UBE2D2: variants seen among roughly 807,000 people sequenced by gnomAD.
UBE2D2 encodes ubiquitin-conjugating enzyme E2 D2.
Under a neutral mutation model 24.2 loss-of-function variants are expected in UBE2D2, and 2 were observed. The observed-to-expected ratio is 0.08, with a 90% CI of 0.03 to 0.26. The LOEUF (loss-of-function observed/expected upper bound fraction) is 0.26. Among genes scored for constraint, UBE2D2 ranks in the 10% least tolerant of loss-of-function variants. The pLI is 1.00. For synonymous variants in UBE2D2, 58 were observed against 56.5 expected, an observed-to-expected ratio of 1.03 and a Z score of -0.12; for missense variants, 44 against 177.6, an observed-to-expected ratio of 0.25 and a Z score of 4.28.
At chr5:139,590,223 G>C (rs1405338503) in intron 1 of UBE2D2, among the ~76,000 whole-genome samples, 1 of 151,950 alleles carries the variant, frequency 6.6e-6, no homozygotes, top group Admixed American at 6.6e-5. Flanking sequence ...AACAGTAGTA[G>C]AAAAAGGAAC....
chr5:139,526,272 GACCCCAGCTGAA>G (rs1752535865), upstream of UBE2D2, among the ~76,000 whole-genome samples: 1 of 152,226 alleles, frequency 6.6e-6, no homozygotes. Context: ...GCTTGCCGAT[GACCCCAGCTGAA>G]TAAAGCCCTT....
At chr5:139,580,726 T>C (rs955641894) in intron 1 of UBE2D2, among the ~76,000 whole-genome samples, 5 of 152,176 alleles carry the variant, frequency 3.3e-5, no homozygotes, top group Non-Finnish European at 7.4e-5. Flanking sequence ...ATTACAGGCG[T>C]GAGCCACCGT....
chr5:139,619,858 C>T (rs1433022063), intron 5 of UBE2D2, among the ~76,000 whole-genome samples: 5 of 147,440 alleles, frequency 3.4e-5, no homozygotes, highest in East Asian at 1.9e-4. Flanking sequence ...AGTGAAACTC[C>T]GTCTCAAAAA....
chr5:139,546,798 T>C (rs574632787), intron 1 of UBE2D2, among the ~76,000 whole-genome samples: 88 of 150,800 alleles, frequency 5.8e-4, no homozygotes, highest in Non-Finnish European at 1.1e-3. Flanking sequence ...AAATTTTCTT[T>C]CTTTCTTTCT....
At chr5:139,533,579 G>A (rs1277629861) in intron 1 of UBE2D2, among the ~76,000 whole-genome samples, 1 of 151,656 alleles carries the variant, frequency 6.6e-6, no homozygotes, top group Non-Finnish European at 1.5e-5. Flanking sequence ...GAACCAGGGA[G>A]GAGGAGGTTG....
chr5:139,532,299 C>T (rs1326697658), intron 1 of UBE2D2, among the ~76,000 whole-genome samples: 6 of 151,218 alleles, frequency 4.0e-5, no homozygotes. Context: ...CTGCCTCAGC[C>T]TCCCCAGTAG....
chr5:139,563,087 C>T (rs1753144802), intron 1 of UBE2D2, among the ~76,000 whole-genome samples: 1 of 152,144 alleles, frequency 6.6e-6, no homozygotes, highest in East Asian at 1.9e-4. Flanking sequence ...ACGGCCTATA[C>T]CTGTAGCTAC....
chr5:139,556,850 T>C (rs932938166), upstream of UBE2D2, among the ~76,000 whole-genome samples: 3 of 151,866 alleles, frequency 2.0e-5, no homozygotes, highest in African/African-American at 2.4e-5. Flanking sequence ...TTTTTTTTTT[T>C]CTGCAACATA....
intron 1 of UBE2D2, among the ~76,000 whole-genome samples, chr5:139,550,627 G>A (rs956995308): frequency 2.6e-5 from 4 of 151,782 alleles, no homozygotes; most frequent in African/African-American, 9.7e-5. Flanking sequence ...CATTCTTTGG[G>A]TACACACTGA....
upstream of UBE2D2, among the ~76,000 whole-genome samples, chr5:139,556,828 T>C (rs922970883): frequency 5.9e-5 from 9 of 151,864 alleles, no homozygotes; most frequent in Non-Finnish European, 1.2e-4. Context: ...ATCTGAATAG[T>C]TCCATACTTT....
At chr5:139,597,327 T>C (rs1477474313) in intron 1 of UBE2D2, among the ~76,000 whole-genome samples, 4 of 152,230 alleles carry the variant, frequency 2.6e-5, no homozygotes, top group Admixed American at 1.3e-4. Flanking sequence ...TCATGTAGCC[T>C]TATGTCTGGC....
At chr5:139,577,049 A>C (rs576390040) in intron 1 of UBE2D2, among the ~76,000 whole-genome samples, 12 of 150,970 alleles carry the variant, frequency 7.9e-5, no homozygotes, top group African/African-American at 2.2e-4. Context: ...GTAAAATTTA[A>C]CAGTTTATGT....
chr5:139,539,881 G>A (rs1286366104), intron 1 of UBE2D2, among the ~76,000 whole-genome samples: 1 of 151,944 alleles, frequency 6.6e-6, no homozygotes, highest in Non-Finnish European at 1.5e-5. Context: ...ACAGGTGTGA[G>A]CCACTGTGCC....
chr5:139,580,438 T>C (rs1049292211), intron 1 of UBE2D2, among the ~76,000 whole-genome samples: 7 of 152,144 alleles, frequency 4.6e-5, no homozygotes, highest in African/African-American at 1.4e-4. Context: ...TGGGACAGCG[T>C]AACAGAGTGA....
Position 139,561,821 on chromosome 5 carries a change from C to T in UBE2D2, c.24+6C>T, listed in dbSNP as rs941500343. ...CTCTGAAGAGAATCCACAAGGTAAG[C>T]GGCCGGAGGTCGGCTGCGCTGCTGG... On this transcript the variant is annotated splice_donor_region_variant and intron_variant, in intron 1 of 6. Coordinates refer to ENST00000398733, the MANE Select transcript of UBE2D2 (RefSeq NM_003339.3). 3 of 1,498,094 alleles carry T rather than the reference C, an allele frequency of 2.0e-6. No homozygotes were observed. The highest frequency in any genetic ancestry group is 2.5e-5 in the Admixed American group (1 of 40,276). The allele number at this position is 1,498,094 out of a possible 1,614,324, so 92.8% of individuals were successfully genotyped here.
chr5:139,558,877 T>G (rs1753015284), upstream of UBE2D2, among the ~76,000 whole-genome samples: 1 of 152,000 alleles, frequency 6.6e-6, no homozygotes, highest in African/African-American at 2.4e-5. Flanking sequence ...CACGGCTCAC[T>G]GCAGTTTTGA....
At chr5:139,608,077 T>C (rs1242067262) in intron 2 of UBE2D2, among the ~76,000 whole-genome samples, 1 of 151,902 alleles carries the variant, frequency 6.6e-6, no homozygotes, top group Non-Finnish European at 1.5e-5. Flanking sequence ...TTTTGTAGCG[T>C]GGGTATGAAA....
chr5:139,532,806 G>A (rs1752612925), intron 1 of UBE2D2, among the ~76,000 whole-genome samples: 1 of 151,772 alleles, frequency 6.6e-6, no homozygotes, highest in Non-Finnish European at 1.5e-5. Context: ...TATTTTTAAT[G>A]TGCTAAAAAA....
chr5:139,550,649 G>T (rs1561499344), intron 1 of UBE2D2, among the ~76,000 whole-genome samples: 2 of 151,980 alleles, frequency 1.3e-5, no homozygotes, highest in Non-Finnish European at 2.9e-5. Flanking sequence ...TTTATGAGCT[G>T]TAACACTCTT....
Sources: gnomAD v4.1 joint callset for allele counts (sites outside exome capture counted in the v4.1 genomes callset) on GRCh38, gnomAD v4.1.1 for gene constraint, MANE v1.5 for transcripts, NCBI Gene and HGNC (gene_info 2026-07-23, HGNC 2026-07-21) for gene names.